The following HDAC9 variants were observed in gnomAD, a reference collection of about 807,000 sequenced individuals.
The protein encoded by HDAC9 is histone deacetylase 9, also known as MEF-2 interacting transcription repressor (MITR) protein.
HDAC9 carries 41 observed loss-of-function variants against 139.4 expected under a neutral mutation model. The ratio of observed to expected loss-of-function variants is 0.29; its 90% CI spans 0.23 to 0.38. The LOEUF (loss-of-function observed/expected upper bound fraction) is 0.38, where lower values mean the gene tolerates loss of function less well. Among genes scored for constraint, HDAC9 ranks in the 10% least tolerant of loss-of-function variants. The pLI is 1.00. For missense variants in HDAC9, 1,147 were observed against 1,297.0 expected (o/e 0.88, Z 1.78); for synonymous variants, 517 against 476.2 (o/e 1.09, Z -1.12).
chr7:18,759,795 G>A (rs1186915177), intron 14 of HDAC9, among the ~76,000 whole-genome samples: 1 of 152,124 alleles, frequency 6.6e-6, no homozygotes, highest in Non-Finnish European at 1.5e-5. Flanking sequence ...GTGTGATTGA[G>A]CATTCAGCTA....
chr7:18,560,369 A>G (rs1294419299), intron 2 of HDAC9, among the ~76,000 whole-genome samples: 2 of 152,170 alleles, frequency 1.3e-5, no homozygotes, highest in African/African-American at 2.4e-5. Flanking sequence ...CACTCTATAC[A>G]TATTAATTTC....
At chr7:18,473,790 A>T (rs916502453) in intron 1 of HDAC9, among the ~76,000 whole-genome samples, 2 of 152,218 alleles carry the variant, frequency 1.3e-5, no homozygotes, top group Non-Finnish European at 2.9e-5. Flanking sequence ...TGATGGATCA[A>T]CCTGTTGGTG....
At chr7:18,856,616 A>G (rs1008297152) in intron 21 of HDAC9, among the ~76,000 whole-genome samples, 2 of 152,202 alleles carry the variant, frequency 1.3e-5, no homozygotes, top group Admixed American at 6.6e-5. Flanking sequence ...TTACAAATAC[A>G]TTACAAATGT....
chr7:18,483,670 A>G (rs1211972752), intron 1 of HDAC9, among the ~76,000 whole-genome samples: 3 of 152,204 alleles, frequency 2.0e-5, no homozygotes, highest in African/African-American at 7.2e-5. Flanking sequence ...AATTTTTCTC[A>G]TCTGGAAATA....
At chr7:18,143,381 A>G (rs1404426451) in intron 1 of HDAC9, among the ~76,000 whole-genome samples, 1 of 152,224 alleles carries the variant, frequency 6.6e-6, no homozygotes, top group African/African-American at 2.4e-5. Flanking sequence ...TGATTATGAA[A>G]ATGGTATGTT....
At chr7:18,872,550 G>A (rs191268543) in intron 21 of HDAC9, among the ~76,000 whole-genome samples, 2 of 152,112 alleles carry the variant, frequency 1.3e-5, no homozygotes, top group Admixed American at 6.6e-5. Context: ...TAAGCTGACT[G>A]TTGGTATTTT....
intron 1 of HDAC9, among the ~76,000 whole-genome samples, chr7:18,342,152 G>A (rs1782064976): frequency 6.6e-6 from 1 of 151,800 alleles, no homozygotes; most frequent in South Asian, 2.1e-4. Context: ...TTCAAGGGAA[G>A]AACTTCTGTA....
intron 13 of HDAC9, among the ~76,000 whole-genome samples, chr7:18,728,489 T>C (rs1397242873): frequency 1.3e-5 from 2 of 152,058 alleles, no homozygotes; most frequent in East Asian, 3.8e-4. Flanking sequence ...GCTGTACATA[T>C]ATGCGTGGAT....
intron 12 of HDAC9, among the ~76,000 whole-genome samples, chr7:18,671,558 G>T (rs1323444363): frequency 6.6e-6 from 1 of 151,852 alleles, no homozygotes; most frequent in Non-Finnish European, 1.5e-5. Flanking sequence ...GGCTTCTTCT[G>T]CATTTTAACT....
intron 21 of HDAC9, among the ~76,000 whole-genome samples, chr7:18,849,444 A>C (rs1177431338): frequency 6.6e-6 from 1 of 152,178 alleles, no homozygotes; most frequent in Admixed American, 6.6e-5. Flanking sequence ...AATTATAGTA[A>C]ATTGGTAATA....
At chr7:18,605,044 C>G (rs777048340) in intron 6 of HDAC9, among the ~76,000 whole-genome samples, 10 of 152,108 alleles carry the variant, frequency 6.6e-5, no homozygotes, top group Admixed American at 2.0e-4. Context: ...TTATGTTAAT[C>G]TGGCTGGGGC....
chr7:18,418,472 A>T (rs1005006282), intron 1 of HDAC9, among the ~76,000 whole-genome samples: 4 of 151,026 alleles, frequency 2.6e-5, no homozygotes, highest in African/African-American at 4.9e-5. Flanking sequence ...TAAAGTTTTT[A>T]AAAATAAGAT....
At chr7:18,452,761 C>G (rs1233487671) in intron 1 of HDAC9, among the ~76,000 whole-genome samples, 1 of 152,134 alleles carries the variant, frequency 6.6e-6, no homozygotes, top group Non-Finnish European at 1.5e-5. Flanking sequence ...TGCTCTCTTG[C>G]CTGCCGCCAT....
intron 15 of HDAC9, among the ~76,000 whole-genome samples, chr7:18,766,842 G>C (rs369737040): frequency 7.2e-5 from 11 of 152,202 alleles, no homozygotes; most frequent in African/African-American, 2.6e-4. Flanking sequence ...TCATGAGCAT[G>C]TGTTTATTCA....
intron 1 of HDAC9, chr7:18,151,642 A>G (rs1369177717): frequency 6.6e-6 from 1 of 152,192 alleles, no homozygotes; most frequent in African/African-American, 2.4e-5. Context: ...TTCTGGCAGG[A>G]GGTCAGTACT....
rs80160646 is a variant in HDAC9, at chr7:18,746,731, C to T, written c.1910-2274C>T. ...TCATTAAAACATATTTTTTGAGGAC[C>T]GGCTTTATTTAAGCTTGTTTATGGC... is the stretch of plus-strand genomic sequence containing the variant. On this transcript the variant is annotated intron_variant, in intron 13 of 25. Transcript: ENST00000686413. Among the ~76,000 whole-genome samples the T allele has an allele frequency of 3.2e-3, 486 of 152,172 alleles. 4 individuals are homozygous for T. The highest frequency in any genetic ancestry group is 0.01 in the African/African-American group (428 of 41,524).
At chr7:18,953,043 C>G (rs1168939634) in intron 23 of HDAC9, among the ~76,000 whole-genome samples, 3 of 151,880 alleles carry the variant, frequency 2.0e-5, no homozygotes, top group Non-Finnish European at 4.4e-5. Context: ...TCAGAGGGAC[C>G]CTGAGGGGAA....
intron 6 of HDAC9, among the ~76,000 whole-genome samples, chr7:18,626,873 A>T (rs1841863871): frequency 6.6e-6 from 1 of 152,130 alleles, no homozygotes; most frequent in African/African-American, 2.4e-5. Context: ...GCACATTTTT[A>T]TCTTGATTGC....
At chr7:18,941,509 G>A (rs1235171019) in intron 23 of HDAC9, among the ~76,000 whole-genome samples, 26 of 152,092 alleles carry the variant, frequency 1.7e-4, no homozygotes, top group Admixed American at 1.6e-3. Context: ...ATTGGATTCC[G>A]AATAGGGAAG....
Sources: allele counts gnomAD v4.1 joint callset (sites outside exome capture counted in the v4.1 genomes callset), GRCh38; gene constraint gnomAD v4.1.1; transcripts MANE v1.5; gene names NCBI Gene and HGNC (gene_info 2026-07-23, HGNC 2026-07-21).